IDUA: variants seen among roughly 807,000 people sequenced by gnomAD.
The protein encoded by IDUA is alpha-L-iduronidase.
IDUA carries 65 observed loss-of-function variants against 68.9 expected under a neutral mutation model. The observed-to-expected ratio is 0.94, with a 90% CI of 0.77 to 1.16. The LOEUF (loss-of-function observed/expected upper bound fraction) is 1.16. Ranked by LOEUF, IDUA falls within the 50% of genes most tolerant of loss-of-function variation. The probability of loss-of-function intolerance (pLI) is 0.00; values close to 1 mark genes in which losing one functional copy is unlikely to be tolerated. For missense variants in IDUA, 1,046 were observed against 938.0 expected (o/e 1.12, Z -1.50); for synonymous variants, 529 against 433.6 (o/e 1.22, Z -2.73).
intron 2 of IDUA, among the ~76,000 whole-genome samples, chr4:996,977 C>A (rs1342910851): frequency 1.3e-5 from 2 of 152,294 alleles, no homozygotes; most frequent in South Asian, 2.1e-4. Context: ...CCTGAACCCC[C>A]CTCCCGCCTG....
In IDUA at chr4:1,003,412, G is replaced by C. The variant is rs920228043; in HGVS notation, c.1592G>C (p.Arg531Pro). 6.6e-7 allele frequency: 1 copy of C among 1,526,150 alleles called. No individual in the cohort carries two copies. Among genetic ancestry groups the C allele is most frequent in the Non-Finnish European group, 8.7e-7 (1 of 1,143,572 alleles). 94.5% of individuals were successfully genotyped at this position (1,526,150 alleles called of 1,614,324 possible). Residue 531 changes from arginine to proline, a missense_variant, in exon 11 of 14, where the codon CGG (arginine) becomes CCG (proline). Arg to Pro is a moderately radical substitution (Grantham distance 103). Transcript: ENST00000514224. ...CGCCTGACCCTGCGCCCCGCGCTGC[G>C]GCTGCCGTCGCTTTTGCTGGTGCAC... Reference protein sequence around the residue: ...GGRLTLRPALRLPSLLLVHVC... With the variant: ...GGRLTLRPALPLPSLLLVHVC...
intron 8 of IDUA, 40 bp downstream of exon 8, chr4:1,002,525 C>A: frequency 7.0e-7 from 1 of 1,436,514 alleles, no homozygotes; most frequent in Non-Finnish European, 9.1e-7. Flanking sequence ...CAGGGCCCTC[C>A]AGGCTGGGGA....
intron 2 of IDUA, chr4:991,811 C>T: frequency 6.5e-7 from 1 of 1,532,892 alleles, no homozygotes. Flanking sequence ...CAACGGGCCC[C>T]TTGGGGCGGA....
At chr4:1,002,634 C>T (rs988991063) in intron 8 of IDUA, 98 bp from the exon 9 acceptor site, 67 of 1,182,508 alleles carry the variant, frequency 5.7e-5, no homozygotes, top group East Asian at 2.4e-4. Flanking sequence ...GACTCCTTCA[C>T]CAAGGGGAGG....
chr4:997,344 C>G (rs1407264497), intron 2 of IDUA, among the ~76,000 whole-genome samples: 1 of 151,356 alleles, frequency 6.6e-6, no homozygotes, highest in Non-Finnish European at 1.5e-5. Context: ...GCACTCCCAC[C>G]CCCACCCTCA....
chr4:989,354 C>A, intron 2 of IDUA: 1 of 1,596,520 alleles, frequency 6.3e-7, no homozygotes. Flanking sequence ...ACGAGGCCCT[C>A]GAACTCTGTG....
intron 12 of IDUA, 128 bp downstream of exon 12, chr4:1,003,753 G>A (rs1188674508): frequency 4.6e-6 from 5 of 1,077,818 alleles, no homozygotes; most frequent in South Asian, 1.3e-5. Flanking sequence ...GCCGCCCTGC[G>A]TCCCTGCCCT....
Position 989,805 on chromosome 4 carries a change from C to T in IDUA, c.299+1856C>T, listed in dbSNP as rs755522635. ...GTAGCACGTTGCAGCAGCCCACAGC[C>T]AGCAGCTCCTGGTTGGCACGCACAG... On this transcript the variant is annotated intron_variant, in intron 2 of 13. Transcript: ENST00000514224. The T allele has an allele frequency of 1.3e-6, 2 of 1,576,136 alleles. No individual in the cohort carries two copies. The highest frequency in any genetic ancestry group is 1.7e-6 in the Non-Finnish European group (2 of 1,161,670).
At chr4:992,329 C>T (rs898863507) in intron 2 of IDUA, 18 of 401,394 alleles carry the variant, frequency 4.5e-5, no homozygotes, top group Non-Finnish European at 8.8e-5. Flanking sequence ...CTCCACCCAC[C>T]CCTCTGTCAC....
chr4:989,357 A>T, intron 2 of IDUA: 2 of 1,594,774 alleles, frequency 1.3e-6, no homozygotes, highest in South Asian at 2.3e-5. Context: ...AGGCCCTCGA[A>T]CTCTGTGGCA....
intron 8 of IDUA, 46 bp from the exon 9 acceptor site, chr4:1,002,686 G>A: frequency 3.7e-6 from 5 of 1,347,306 alleles, no homozygotes; most frequent in South Asian, 1.3e-5. Flanking sequence ...TCGGGGGGCG[G>A]CTGGGCAACG....
chr4:1,002,017 G>T lies in IDUA; in HGVS notation c.828G>T (p.Glu276Asp). Reference sequence around the variant, plus strand: ...GCTCCATCTCCATCCTGGAGCAGGAGAAGGTCGTCGCGCAGCAGATCCGGC... The same window carrying T: ...GCTCCATCTCCATCCTGGAGCAGGATAAGGTCGTCGCGCAGCAGATCCGGC... ...ARSSISILEQEKVVAQQIRQL... is the reference protein window; with the variant it reads ...ARSSISILEQDKVVAQQIRQL... The change falls in exon 7 of 14, where the codon GAG becomes GAT. Residue 276 changes from glutamate to aspartate, a missense_variant. Physicochemically the swap from Glu to Asp is conservative, Grantham distance 45 (BLOSUM62 2). Transcript: ENST00000514224. 1 of 1,597,052 alleles carries T rather than the reference G, an allele frequency of 6.3e-7. No homozygotes were observed. Among genetic ancestry groups the T allele is most frequent in the Non-Finnish European group, 8.5e-7 (1 of 1,173,582 alleles).
chr4:989,176 G>A (rs1243379531), intron 2 of IDUA: 2 of 1,607,406 alleles, frequency 1.2e-6, no homozygotes, highest in African/African-American at 1.3e-5. Flanking sequence ...CTCGCCCTGG[G>A]CAGGGCCTCC....
rs1166541009 is a variant in IDUA, at chr4:989,040, C to T, written c.299+1091C>T. ...TGCCCAGGGCCCCGTAGTCTCGGCG[C>T]AGGTCCTGCAGCGTGCTCACACCGG... On this transcript the variant is annotated intron_variant, in intron 2 of 13. Transcript: ENST00000514224. 2.5e-6 allele frequency: 4 copies of T among 1,580,778 alleles called. No individual in the cohort carries two copies. The South Asian group carries it at 4.6e-5, about 18-fold the overall frequency.
chr4:990,466 T>A (rs1714198757), intron 2 of IDUA: 2 of 1,141,824 alleles, frequency 1.8e-6, no homozygotes, highest in Non-Finnish European at 2.4e-6. Flanking sequence ...GCACAGGACC[T>A]GACAATTCTG....
In IDUA at chr4:991,392, C is replaced by T. The variant is rs150395578; in HGVS notation, c.299+3443C>T. ...AGTAGATGAGGTTGGCGAAGAAGGA[C>T]GTATAGAGGCTGTAGATGGGCTGCA... On this transcript the variant is annotated intron_variant, in intron 2 of 13. Coordinates refer to ENST00000514224, the MANE Select transcript of IDUA (RefSeq NM_000203.5). 3.1e-4 allele frequency: 500 copies of T among 1,612,818 alleles called. 1 individual carries two copies. The African/African-American group carries it at 5.7e-3, about 18-fold the overall frequency.
chr4:1,004,264 A>G lies in IDUA; in HGVS notation c.1833A>G (p.Thr611=). The part of the protein sequence containing the change: ...TFNLFVFSPD[T]GAVSGSYRVR... Reference sequence around the variant, plus strand: ...CACATGTCCCCTTGTCTCCAGACACAGGTGCTGTCTCTGGCTCCTACCGAG... The same window carrying G: ...CACATGTCCCCTTGTCTCCAGACACGGGTGCTGTCTCTGGCTCCTACCGAG... The change falls in exon 14 of 14, where the codon ACA becomes ACG. Residue 611 remains threonine, a synonymous_variant. Coordinates refer to ENST00000514224, the MANE Select transcript of IDUA (RefSeq NM_000203.5). The surrounding 1 kb of genome is among the most constrained non-coding windows in gnomAD (Gnocchi z 5.0). The G allele has an allele frequency of 6.2e-7, 1 of 1,609,962 alleles. No individual in the cohort carries two copies. The highest frequency in any genetic ancestry group is 8.5e-7 in the Non-Finnish European group (1 of 1,179,936).
chr4:992,101 C>T (rs1431572444), intron 2 of IDUA: 2 of 508,284 alleles, frequency 3.9e-6, no homozygotes, highest in East Asian at 1.0e-4. Context: ...GCTCACCTCC[C>T]CAACGGGGCA....
intron 2 of IDUA, 196 bp downstream of exon 2, chr4:988,145 T>C (rs1318210449): frequency 1.4e-6 from 2 of 1,404,264 alleles, no homozygotes; most frequent in African/African-American, 1.4e-5. Flanking sequence ...TGGGGCACGG[T>C]GGGCTTCCTG....
Sources: allele counts gnomAD v4.1 joint callset (sites outside exome capture counted in the v4.1 genomes callset), GRCh38; gene constraint gnomAD v4.1.1; non-coding constraint Gnocchi (gnomAD v3.1); transcripts MANE v1.5; gene names NCBI Gene and HGNC (gene_info 2026-07-23, HGNC 2026-07-21).